Variants in TRPM3 observed in about 807,000 individuals in gnomAD.
TRPM3 encodes long transient receptor potential channel 3.
Under a neutral mutation model 181.2 loss-of-function variants are expected in TRPM3, and 77 were observed. That is an observed-to-expected ratio of 0.42 (90% CI 0.35 to 0.51). The LOEUF (loss-of-function observed/expected upper bound fraction) is 0.51, where lower values mean the gene tolerates loss of function less well. Among genes scored for constraint, TRPM3 ranks in the 20% least tolerant of loss-of-function variants. The pLI is 0.01. For missense variants in TRPM3, 1,759 were observed against 2,196.7 expected (o/e 0.80, Z 3.98); for synonymous variants, 745 against 796.4 (o/e 0.94, Z 1.09).
intron 8 of TRPM3, among the ~76,000 whole-genome samples, chr9:70,754,697 C>T (rs977507199): frequency 2.0e-5 from 3 of 152,122 alleles, no homozygotes; most frequent in African/African-American, 7.2e-5. Flanking sequence ...AATAGCTTAG[C>T]CAAACTTGGC....
At chr9:70,952,733 A>G (rs2133715095) in intron 1 of TRPM3, among the ~76,000 whole-genome samples, 1 of 152,290 alleles carries the variant, frequency 6.6e-6, no homozygotes, top group Non-Finnish European at 1.5e-5. Context: ...GGCTGTAGTG[A>G]CAAAATCTTG....
chr9:70,614,264 G>A (rs1352941332), intron 18 of TRPM3, among the ~76,000 whole-genome samples: 1 of 151,358 alleles, frequency 6.6e-6, no homozygotes, highest in Non-Finnish European at 1.5e-5. Context: ...GGAGGCCAAG[G>A]CTAGAGGACT....
intron 1 of TRPM3, among the ~76,000 whole-genome samples, chr9:70,922,467 T>C (rs2096667517): frequency 6.6e-6 from 1 of 152,212 alleles, no homozygotes; most frequent in African/African-American, 2.4e-5. Flanking sequence ...TAATTTAATG[T>C]TATATAATTT....
At chr9:70,623,640 T>C (rs1000388130) in intron 14 of TRPM3, among the ~76,000 whole-genome samples, 4 of 152,182 alleles carry the variant, frequency 2.6e-5, no homozygotes, top group Admixed American at 2.0e-4. Context: ...TCCAGTGTTA[T>C]GCATTTGCAG....
In TRPM3 at chr9:70,535,406, A is replaced by C; in HGVS notation, c.*547T>G. The C allele has an allele frequency of 6.4e-7, 1 of 1,550,432 alleles. No homozygotes were observed. On this transcript the variant is annotated 3_prime_UTR_variant, in exon 26 of 26. Transcript: ENST00000677713. ...TGGCATGAGAAGGATGTGGGACGTT[A>C]GGTAGAACTGCTTGCTGCCGGCTTA... is the stretch of plus-strand genomic sequence containing the variant.
In TRPM3 at chr9:70,854,343, G is replaced by A. The variant is rs558781697; in HGVS notation, c.463-7752C>T. Among the ~76,000 whole-genome samples, 5 of 152,286 alleles carry A rather than the reference G, an allele frequency of 3.3e-5. No individual in the cohort carries two copies. The East Asian group carries it at 9.6e-4, about 29-fold the overall frequency. On this transcript the variant is annotated intron_variant, in intron 3 of 25. Coordinates refer to ENST00000677713, the MANE Select transcript of TRPM3 (RefSeq NM_001366145.2). ...AGATAGTGGCATTGCAAGTCCTTTG[G>A]CAATTTGAGCATCCTCTGTTGTTAA...
chr9:70,917,427 T>C lies in TRPM3; in HGVS notation c.178-52916A>G, dbSNP rs2096608917. 3.7e-6 allele frequency: 3 copies of C among 818,698 alleles called. No individual in the cohort carries two copies. In the East Asian group the frequency reaches 7.5e-5, roughly 20 times the overall value. The allele number at this position is 818,698 out of a possible 1,614,324, so 50.7% of individuals were successfully genotyped here. On this transcript the variant is annotated intron_variant, in intron 1 of 25. Coordinates refer to ENST00000677713, the MANE Select transcript of TRPM3 (RefSeq NM_001366145.2). ...GACACCACCTCCACCTGCTCAGAAA[T>C]GAACTCGGCCAGACTGGAGTGGAAC...
chr9:70,589,275 T>G (rs2057702398), intron 22 of TRPM3, among the ~76,000 whole-genome samples: 2 of 152,210 alleles, frequency 1.3e-5, no homozygotes, highest in Non-Finnish European at 2.9e-5. Flanking sequence ...GATGGTGGTG[T>G]TTGTTGCACT....
intron 1 of TRPM3, among the ~76,000 whole-genome samples, chr9:70,914,975 A>G (rs950231915): frequency 6.6e-6 from 1 of 152,184 alleles, no homozygotes; most frequent in African/African-American, 2.4e-5. Context: ...AGCCTTCCCA[A>G]AAAGGATGGG....
At chr9:70,967,427 A>T (rs995046062) in intron 1 of TRPM3, among the ~76,000 whole-genome samples, 1 of 152,144 alleles carries the variant, frequency 6.6e-6, no homozygotes, top group Non-Finnish European at 1.5e-5. Context: ...ATAAGCAGAA[A>T]AAGCCCATGC....
At chr9:71,157,505 G>C (rs757439615) in intron 1 of TRPM3, among the ~76,000 whole-genome samples, 3 of 152,090 alleles carry the variant, frequency 2.0e-5, no homozygotes, top group African/African-American at 7.2e-5. Context: ...ACAGTTAAGA[G>C]CAGGACGAGA....
At chr9:71,115,751 C>T (rs1337141312) in intron 1 of TRPM3, among the ~76,000 whole-genome samples, 1 of 152,132 alleles carries the variant, frequency 6.6e-6, no homozygotes, top group Non-Finnish European at 1.5e-5. Flanking sequence ...CCCCAGTGAC[C>T]ACACATTTTC....
chr9:71,340,914 TAAAAG>T, intron 1 of TRPM3, among the ~76,000 whole-genome samples: 1 of 151,978 alleles, frequency 6.6e-6, no homozygotes, highest in Admixed American at 6.6e-5. Flanking sequence ...TGCCAGAAAG[TAAAAG>T]TGCCAAAACG....
intron 1 of TRPM3, among the ~76,000 whole-genome samples, chr9:71,200,494 T>A (rs1224917679): frequency 6.6e-6 from 1 of 151,772 alleles, no homozygotes; most frequent in African/African-American, 2.4e-5. Context: ...CCCATTATTA[T>A]TGTGTGGGAG....
chr9:70,573,658 A>G (rs2053070488), intron 22 of TRPM3, among the ~76,000 whole-genome samples: 1 of 152,152 alleles, frequency 6.6e-6, no homozygotes, highest in Non-Finnish European at 1.5e-5. Context: ...TTTCCAAGGT[A>G]AAGTTTCCCA....
intron 8 of TRPM3, among the ~76,000 whole-genome samples, chr9:70,697,974 G>A (rs984959610): frequency 3.9e-5 from 6 of 152,078 alleles, no homozygotes; most frequent in Non-Finnish European, 7.4e-5. Context: ...TCGGGAGGCC[G>A]AGGAGGGTAG....
intron 1 of TRPM3, among the ~76,000 whole-genome samples, chr9:70,894,971 A>C (rs2096262234): frequency 6.6e-6 from 1 of 152,160 alleles, no homozygotes; most frequent in African/African-American, 2.4e-5. Context: ...GACTGTATTG[A>C]GTGCTAGTGC....
At chr9:71,175,264 T>C (rs1227006490) in intron 1 of TRPM3, among the ~76,000 whole-genome samples, 1 of 152,186 alleles carries the variant, frequency 6.6e-6, no homozygotes, top group Non-Finnish European at 1.5e-5. Context: ...GCTGCATTAA[T>C]GGACAGACTG....
chr9:71,036,127 G>T (rs1161578981), intron 1 of TRPM3, among the ~76,000 whole-genome samples: 1 of 151,742 alleles, frequency 6.6e-6, no homozygotes, highest in East Asian at 1.9e-4. Flanking sequence ...AAGCATTTAA[G>T]AGATTTCTCC....
Sources: gnomAD v4.1 joint callset for allele counts (sites outside exome capture counted in the v4.1 genomes callset) on GRCh38, gnomAD v4.1.1 for gene constraint, MANE v1.5 for transcripts, NCBI Gene and HGNC (gene_info 2026-07-23, HGNC 2026-07-21) for gene names.